The following IQGAP2 variants were observed in gnomAD, a reference collection of about 807,000 sequenced individuals.
IQGAP2 encodes the protein ras GTPase-activating-like protein IQGAP2.
A neutral mutation model predicts 201.3 loss-of-function variants in IQGAP2; 173 were observed. That is an observed-to-expected ratio of 0.86 (90% CI 0.76 to 0.98). The LOEUF (loss-of-function observed/expected upper bound fraction) is 0.98. Among genes scored for constraint, IQGAP2 ranks in the 50% least tolerant of loss-of-function variants. The pLI is 0.00. For synonymous variants in IQGAP2, 675 were observed against 673.9 expected, an observed-to-expected ratio of 1.00 and a Z score of -0.03; for missense variants, 1,687 against 1,864.8, an observed-to-expected ratio of 0.90 and a Z score of 1.76.
At chr5:76,609,302 A>T in intron 12 of IQGAP2, 1 of 1,454,034 alleles carries the variant, frequency 6.9e-7, no homozygotes, top group Non-Finnish European at 9.3e-7. Context: ...TCCAGTTTAT[A>T]AATCCTATAG....
chr5:76,645,662 C>G (rs371581740), intron 17 of IQGAP2, among the ~76,000 whole-genome samples: 87 of 151,992 alleles, frequency 5.7e-4, no homozygotes, highest in African/African-American at 1.9e-3. Context: ...AGAAGTGTCT[C>G]TTCATATCCA....
chr5:76,641,697 A>G (rs952865717), intron 17 of IQGAP2, among the ~76,000 whole-genome samples: 2 of 152,162 alleles, frequency 1.3e-5, no homozygotes, highest in African/African-American at 2.4e-5. Flanking sequence ...TCTCTTCTGT[A>G]TTCCTATAGC....
chr5:76,505,561 GA>G (rs554102192), intron 2 of IQGAP2, among the ~76,000 whole-genome samples: 15 of 149,652 alleles, frequency 1.0e-4, no homozygotes, highest in South Asian at 4.2e-4. Flanking sequence ...ATTTCTTTAA[GA>G]AAAAAAAAAT....
intron 30 of IQGAP2, among the ~76,000 whole-genome samples, chr5:76,684,771 G>C (rs977178050): frequency 4.6e-5 from 7 of 152,124 alleles, no homozygotes; most frequent in Non-Finnish European, 8.8e-5. Flanking sequence ...TGTGGCAAGA[G>C]CTTTCTCTCC....
chr5:76,473,344 CT>C (rs367936783), intron 2 of IQGAP2, among the ~76,000 whole-genome samples: 3 of 151,154 alleles, frequency 2.0e-5, no homozygotes, highest in African/African-American at 7.3e-5. Flanking sequence ...TTTCCTTTCT[CT>C]TTTTTTTTCC....
chr5:76,707,149 A>G (rs1387600246), intron 35 of IQGAP2, 51 bp from the exon 36 acceptor site: 1 of 870,324 alleles, frequency 1.1e-6, no homozygotes, highest in East Asian at 2.4e-5. Context: ...ATGTTTTTTA[A>G]ATGCACAAAA....
chr5:76,478,453 G>A (rs1256239558), intron 2 of IQGAP2, among the ~76,000 whole-genome samples: 1 of 152,170 alleles, frequency 6.6e-6, no homozygotes, highest in Non-Finnish European at 1.5e-5. Context: ...AAAGTCTACA[G>A]TAGTGTACGG....
chr5:76,514,989 C>A (rs1189418230), intron 2 of IQGAP2, among the ~76,000 whole-genome samples: 1 of 152,132 alleles, frequency 6.6e-6, no homozygotes, highest in African/African-American at 2.4e-5. Flanking sequence ...AGTGCAATAG[C>A]TGATATGTTT....
At chr5:76,652,269 A>G (rs1580727432) in intron 17 of IQGAP2, among the ~76,000 whole-genome samples, 1 of 152,328 alleles carries the variant, frequency 6.6e-6, no homozygotes, top group South Asian at 2.1e-4. Context: ...CAGGGATCCA[A>G]GGGATTCAGG....
At chr5:76,570,156 C>CA (rs200407759) in intron 3 of IQGAP2, among the ~76,000 whole-genome samples, 44 of 150,760 alleles carry the variant, frequency 2.9e-4, no homozygotes, top group East Asian at 1.2e-3. Context: ...ATGATTAGAA[C>CA]AAAAAAAAAT....
At position 76,637,097 on chromosome 5, in the gene IQGAP2, C is replaced by G. The variant is rs1751197408; in HGVS notation, c.1844C>G (p.Thr615Ser). Residue 615 changes from threonine to serine, a missense_variant, in exon 16 of 36, where the codon ACT (threonine) becomes AGT (serine). Coordinates refer to ENST00000274364, the MANE Select transcript of IQGAP2 (RefSeq NM_006633.5). ...LHKKYDYYYN[T>S]DSKESSWVTP... is the part of the protein sequence containing the mutation. The stretch of plus-strand genomic sequence containing the variant: ...AAAAAATATGACTACTATTACAACA[C>G]TGATTCAAAAGAGAGTTCCTGGGTC... The G allele has an allele frequency of 6.2e-7, 1 of 1,611,202 alleles. No homozygotes were observed. Among genetic ancestry groups the G allele is most frequent in the Non-Finnish European group, 8.5e-7 (1 of 1,177,708 alleles).
intron 1 of IQGAP2, among the ~76,000 whole-genome samples, chr5:76,451,257 C>T (rs1000096548): frequency 2.0e-5 from 3 of 152,166 alleles, no homozygotes; most frequent in Non-Finnish European, 2.9e-5. Flanking sequence ...TTTTCTTCCC[C>T]CATACCGTGC....
chr5:76,422,820 A>T (rs938359593), intron 1 of IQGAP2, among the ~76,000 whole-genome samples: 3 of 152,212 alleles, frequency 2.0e-5, no homozygotes, highest in African/African-American at 7.2e-5. Context: ...TAACAAACAC[A>T]TATGATGCTT....
chr5:76,447,036 C>T (rs548733590), intron 1 of IQGAP2, among the ~76,000 whole-genome samples: 16 of 152,330 alleles, frequency 1.1e-4, no homozygotes, highest in South Asian at 4.1e-4. Flanking sequence ...GAAGGCTCTG[C>T]GGATCACAGA....
At chr5:76,700,283 A>C (rs1005437355) in intron 33 of IQGAP2, among the ~76,000 whole-genome samples, 3 of 152,126 alleles carry the variant, frequency 2.0e-5, no homozygotes. Flanking sequence ...CTCATCCTTA[A>C]GGTGGAATTA....
chr5:76,601,068 T>C (rs1272884505), intron 11 of IQGAP2, 96 bp downstream of exon 11: 2 of 1,174,190 alleles, frequency 1.7e-6, no homozygotes, highest in Non-Finnish European at 2.4e-6. Flanking sequence ...GAAATCCATA[T>C]ACCATGCTCA....
At chr5:76,513,304 C>A (rs183842860) in intron 2 of IQGAP2, among the ~76,000 whole-genome samples, 64 of 152,212 alleles carry the variant, frequency 4.2e-4, no homozygotes, top group African/African-American at 1.5e-3. Context: ...TTTTAAGAAC[C>A]CTTGAGATTT....
intron 2 of IQGAP2, among the ~76,000 whole-genome samples, chr5:76,483,821 G>A (rs1339551278): frequency 6.6e-6 from 1 of 152,200 alleles, no homozygotes; most frequent in Non-Finnish European, 1.5e-5. Flanking sequence ...TGCCAGCCAA[G>A]CAGAATTGGG....
At chr5:76,406,742 C>T (rs536961050) in intron 1 of IQGAP2, among the ~76,000 whole-genome samples, 4 of 152,354 alleles carry the variant, frequency 2.6e-5, no homozygotes, top group Admixed American at 2.0e-4. Flanking sequence ...CAGATGACTT[C>T]ACTTACCACT....
Sources: allele counts gnomAD v4.1 joint callset (sites outside exome capture counted in the v4.1 genomes callset), GRCh38; gene constraint gnomAD v4.1.1; transcripts MANE v1.5; gene names NCBI Gene and HGNC (gene_info 2026-07-23, HGNC 2026-07-21).